GJB3: variants seen among roughly 807,000 people sequenced by gnomAD.
GJB3 encodes gap junction beta-3 protein.
In GJB3, 6 loss-of-function variants were observed where a neutral mutation model predicts 8.1. The ratio of observed to expected loss-of-function variants is 0.75; its 90% CI spans 0.41 to 1.47. GJB3 has a LOEUF of 1.47. Ranked by LOEUF, GJB3 falls within the 40% of genes most tolerant of loss-of-function variation. The pLI is 0.02. For missense variants in GJB3, 348 were observed against 365.6 expected (o/e 0.95, Z 0.39); for synonymous variants, 137 against 156.4 (o/e 0.88, Z 0.93).
At chr1:34,782,172 C>A in intron 1 of GJB3, 1 of 152,708 alleles carries the variant, frequency 6.5e-6, no homozygotes. Context: ...CTTTGGAGGG[C>A]AGCTGGGGGA....
Position 34,781,378 on chromosome 1 carries a change from G to C in GJB3, c.-426G>C, listed in dbSNP as rs369190098. 6.6e-6 allele frequency: 1 copy of C among 152,272 alleles called. No individual in the cohort carries two copies. Among genetic ancestry groups the C allele is most frequent in the Non-Finnish European group, 1.5e-5 (1 of 68,066 alleles). The allele number at this position is 152,272 out of a possible 1,614,324, so 9.4% of individuals were successfully genotyped here. A position where few individuals can be genotyped will look rare whatever the true frequency, so the allele number is the denominator to read the frequency against. On this transcript the variant is annotated 5_prime_UTR_variant, in exon 1 of 2. Coordinates refer to ENST00000373366, the MANE Select transcript of GJB3 (RefSeq NM_024009.3). This position sits in a 1 kb window ranked among gnomAD's most constrained non-coding sequence, Gnocchi z 6.2. ...AGGTCCCGCGCCAAGCGGGGACCGG[G>C]CTGGGCCGGAAGCGGGCACGGTACT...
chr1:34,784,344 C>T (rs2148353818), intron 1 of GJB3, among the ~76,000 whole-genome samples: 1 of 152,296 alleles, frequency 6.6e-6, no homozygotes, highest in African/African-American at 2.4e-5. Context: ...ACTTGCTTTG[C>T]AATCGTTCAA....
chr1:34,781,508 G>C lies in GJB3; in HGVS notation c.-296G>C, dbSNP rs1640007735. The C allele has an allele frequency of 6.6e-6, 1 of 152,318 alleles. No homozygotes were observed. Among genetic ancestry groups the C allele is most frequent in the South Asian group, 2.1e-4 (1 of 4,836 alleles). The allele number at this position is 152,318 out of a possible 1,614,324, so 9.4% of individuals were successfully genotyped here. ...CGCCCCTGATCTCATTGGAGCCTTC[G>C]GACAGCCCAGCCCATGGCCACCGAT... On this transcript the variant is annotated 5_prime_UTR_variant, in exon 1 of 2. Transcript: ENST00000373366. This position sits in a 1 kb window ranked among gnomAD's most constrained non-coding sequence, Gnocchi z 6.2.
chr1:34,782,335 A>G (rs1191760653), intron 1 of GJB3: 1 of 152,246 alleles, frequency 6.6e-6, no homozygotes, highest in Non-Finnish European at 1.5e-5. Flanking sequence ...CCTGGTGGGC[A>G]GCCATGGGAG....
rs372771182 is a variant in GJB3, at chr1:34,785,099, T to G, written c.337T>G (p.Cys113Gly). ...GCACCGCCAGAAACACGGGGACCAG[T>G]GCGCCAAGCTGTACGACAACGCAGG... ...RRHRQKHGDQ[C>G]AKLYDNAGKK... Residue 113 changes from cysteine (C) to glycine (G), a missense_variant, in exon 2 of 2, where the codon TGC (cysteine) becomes GGC (glycine). Coordinates refer to ENST00000373366, the MANE Select transcript of GJB3 (RefSeq NM_024009.3). This position sits in a 1 kb window ranked among gnomAD's most constrained non-coding sequence, Gnocchi z 4.7. 1.9e-6 allele frequency: 3 copies of G among 1,613,906 alleles called. No homozygotes were observed. The highest frequency in any genetic ancestry group is 1.3e-5 in the African/African-American group (1 of 74,892).
In GJB3 at chr1:34,785,484, G is replaced by C. The variant is rs923078555; in HGVS notation, c.722G>C (p.Cys241Ser). The part of the protein sequence containing the change: ...SSASRASTCR[C>S]HHKLVEAGEV... ...GCCAGCCGAGCTTCCACCTGCCGCT[G>C]CCACCACAAGCTGGTGGAGGCTGGG... The change falls in exon 2 of 2, where the codon TGC (cysteine) becomes TCC (serine). Residue 241 changes from cysteine to serine, a missense_variant. Coordinates refer to ENST00000373366, the MANE Select transcript of GJB3 (RefSeq NM_024009.3). The surrounding 1 kb of genome is among the most constrained non-coding windows in gnomAD (Gnocchi z 4.7). 2 of 1,614,026 alleles carry C rather than the reference G, an allele frequency of 1.2e-6. No individual in the cohort carries two copies. Among genetic ancestry groups the C allele is most frequent in the Admixed American group, 1.7e-5 (1 of 60,026 alleles).
At position 34,785,454 on chromosome 1, in the gene GJB3, C is replaced by T; in HGVS notation, c.692C>T (p.Ser231Phe). The part of the protein sequence containing the change: ...DKPRGGCSPS[S>F]SASRASTCRC... ...CCTCGAGGGGGTTGCAGCCCCTCGT[C>T]CTCCGCCAGCCGAGCTTCCACCTGC... is the stretch of plus-strand genomic sequence containing the variant. Residue 231 changes from serine to phenylalanine, a missense_variant, in exon 2 of 2, where the codon TCC becomes TTC. Transcript: ENST00000373366. The surrounding 1 kb of genome is among the most constrained non-coding windows in gnomAD (Gnocchi z 4.7). 6.2e-7 allele frequency: 1 copy of T among 1,613,776 alleles called. No individual in the cohort carries two copies. Among genetic ancestry groups the T allele is most frequent in the Non-Finnish European group, 8.5e-7 (1 of 1,179,810 alleles).
In GJB3 at chr1:34,785,584, C is replaced by T; in HGVS notation, c.*9C>T. 6.2e-7 allele frequency: 1 copy of T among 1,611,162 alleles called. No homozygotes were observed. Among genetic ancestry groups the T allele is most frequent in the Non-Finnish European group, 8.5e-7 (1 of 1,177,602 alleles). On this transcript the variant is annotated 3_prime_UTR_variant, in exon 2 of 2. Transcript: ENST00000373366. The surrounding 1 kb of genome is among the most constrained non-coding windows in gnomAD (Gnocchi z 4.7). ...ACCTGACCCCCATCTGACCACAGGG[C>T]AGGGGTGGGGCAACATGCGGGCTGC...
chr1:34,785,241 G>T lies in GJB3; in HGVS notation c.479G>T (p.Arg160Leu), dbSNP rs200055020. 12 of 1,613,758 alleles carry T rather than the reference G, an allele frequency of 7.4e-6. No homozygotes were observed. The highest frequency in any genetic ancestry group is 1.3e-5 in the African/African-American group (1 of 74,864). ...CTCTGGCATGGCTTCAATATGCCGCGCCTGGTGCAGTGTGCCAACGTGGCC... is the reference window on the plus strand; with the variant it reads ...CTCTGGCATGGCTTCAATATGCCGCTCCTGGTGCAGTGTGCCAACGTGGCC... ...HTLWHGFNMP[R>L]LVQCANVAPC... Residue 160 changes from arginine to leucine, a missense_variant, in exon 2 of 2, where the codon CGC becomes CTC. Physicochemically the swap from Arg to Leu is moderately radical, Grantham distance 102. Coordinates refer to ENST00000373366, the MANE Select transcript of GJB3 (RefSeq NM_024009.3). The surrounding 1 kb of genome is among the most constrained non-coding windows in gnomAD (Gnocchi z 4.7).
Position 34,785,182 on chromosome 1 carries a change from CATT to C in GJB3, c.421_423del (p.Ile141del), listed in dbSNP as rs770247378. 4 of 1,614,174 alleles carry C rather than the reference CATT, an allele frequency of 2.5e-6. No individual in the cohort carries two copies. Among genetic ancestry groups the C allele is most frequent in the East Asian group, 4.5e-5 (2 of 44,876 alleles). Reference sequence around the variant, plus strand: ...TGTTCAGCCTCATCTTCAAGCTCATCATTGAGTTCCTCTTCCTCTACCTGCTGC... The same window carrying C: ...TGTTCAGCCTCATCTTCAAGCTCATCGAGTTCCTCTTCCTCTACCTGCTGC... On this transcript the variant is annotated inframe_deletion, in exon 2 of 2. Transcript: ENST00000373366. The surrounding 1 kb of genome is among the most constrained non-coding windows in gnomAD (Gnocchi z 4.7).
Position 34,785,770 on chromosome 1 carries a change from T to C in GJB3, c.*195T>C. The C allele has an allele frequency of 4.9e-6, 3 of 614,232 alleles. No homozygotes were observed. Among genetic ancestry groups the C allele is most frequent in the Non-Finnish European group, 8.9e-6 (3 of 336,136 alleles). 38.0% of individuals were successfully genotyped at this position (614,232 alleles called of 1,614,324 possible). A position where few individuals can be genotyped will look rare whatever the true frequency, so the allele number is the denominator to read the frequency against. On this transcript the variant is annotated 3_prime_UTR_variant, in exon 2 of 2. Transcript: ENST00000373366. This position sits in a 1 kb window ranked among gnomAD's most constrained non-coding sequence, Gnocchi z 4.7. The stretch of plus-strand genomic sequence containing the variant: ...GGGTATAGGTAACCCACAGGCCCAG[T>C]GCCAGCCCTCAAAGGACATAGACTT...
Position 34,785,002 on chromosome 1 carries a change from G to T in GJB3, c.240G>T (p.Gln80His). 1.2e-6 allele frequency: 2 copies of T among 1,614,186 alleles called. No individual in the cohort carries two copies. Among genetic ancestry groups the T allele is most frequent in the Non-Finnish European group, 1.7e-6 (2 of 1,180,038 alleles). ...CCAACATCCGCCTCTGGGCCCTGCA[G>T]CTCATCTTCGTCACATGCCCCTCGC... is the stretch of plus-strand genomic sequence containing the variant. ...PISNIRLWAL[Q>H]LIFVTCPSLL... Residue 80 changes from glutamine to histidine, a missense_variant, in exon 2 of 2, where the codon CAG becomes CAT. Gln to His is a conservative substitution (Grantham distance 24, BLOSUM62 0). Coordinates refer to ENST00000373366, the MANE Select transcript of GJB3 (RefSeq NM_024009.3). The surrounding 1 kb of genome is among the most constrained non-coding windows in gnomAD (Gnocchi z 4.7).
At position 34,785,386 on chromosome 1, in the gene GJB3, C is replaced by T. The variant is rs191765878; in HGVS notation, c.624C>T (p.Tyr208=). The T allele has an allele frequency of 1.2e-6, 2 of 1,614,168 alleles. No individual in the cohort carries two copies. The highest frequency in any genetic ancestry group is 1.3e-5 in the African/African-American group (1 of 75,040). ...TACTCACCATCTGTGAGCTCTGCTACCTCATCTGCCACAGGGTCCTGCGAG... is the reference window on the plus strand; with the variant it reads ...TACTCACCATCTGTGAGCTCTGCTATCTCATCTGCCACAGGGTCCTGCGAG... ...CIVLTICELC[Y]LICHRVLRGL... is the part of the protein sequence containing the mutation. The change falls in exon 2 of 2, where the codon TAC becomes TAT. Residue 208 remains tyrosine, a synonymous_variant. Coordinates refer to ENST00000373366, the MANE Select transcript of GJB3 (RefSeq NM_024009.3). This position sits in a 1 kb window ranked among gnomAD's most constrained non-coding sequence, Gnocchi z 4.7.
rs201937833 is a variant in GJB3 at position 34,784,958 on chromosome 1, G to A, written c.196G>A (p.Asp66Asn). The A allele has an allele frequency of 8.1e-5, 131 of 1,613,870 alleles. No homozygotes were observed. The highest frequency in any genetic ancestry group is 1.5e-4 in the South Asian group (14 of 91,086). ...GCCCGGCTGCACCAACGTCTGCTAC[G>A]ACAACTACTTCCCCATCTCCAACAT... is the stretch of plus-strand genomic sequence containing the variant. ...KQPGCTNVCYDNYFPISNIRL... is the reference protein window; with the variant it reads ...KQPGCTNVCYNNYFPISNIRL... The change falls in exon 2 of 2, where the codon GAC (aspartate) becomes AAC (asparagine). Residue 66 changes from aspartate (D) to asparagine (N), a missense_variant. By Grantham distance (23) the Asp-to-Asn change is conservative. Coordinates refer to ENST00000373366, the MANE Select transcript of GJB3 (RefSeq NM_024009.3).
Position 34,784,952 on chromosome 1 carries a change from T to C in GJB3, c.190T>C (p.Cys64Arg). ...CAAGCAGCCCGGCTGCACCAACGTC[T>C]GCTACGACAACTACTTCCCCATCTC... ...NTKQPGCTNVCYDNYFPISNI... is the reference protein window; with the variant it reads ...NTKQPGCTNVRYDNYFPISNI... Residue 64 changes from cysteine to arginine, a missense_variant, in exon 2 of 2, where the codon TGC becomes CGC. Coordinates refer to ENST00000373366, the MANE Select transcript of GJB3 (RefSeq NM_024009.3). 1.2e-6 allele frequency: 2 copies of C among 1,614,212 alleles called. No homozygotes were observed. The highest frequency in any genetic ancestry group is 1.7e-6 in the Non-Finnish European group (2 of 1,180,042).
chr1:34,784,852 C>A lies in GJB3; in HGVS notation c.90C>A (p.Val30=), dbSNP rs1640073392. ...GCATCTGGCTGTCCGTGGTGTTCGT[C>A]TTCCGGGTGCTGGTATACGTGGTGG... The part of the protein sequence containing the change: ...FGRIWLSVVF[V]FRVLVYVVAA... Residue 30 remains valine, a synonymous_variant, in exon 2 of 2, where the codon GTC becomes GTA. Coordinates refer to ENST00000373366, the MANE Select transcript of GJB3 (RefSeq NM_024009.3). 2 of 1,614,234 alleles carry A rather than the reference C, an allele frequency of 1.2e-6. No individual in the cohort carries two copies. Among genetic ancestry groups the A allele is most frequent in the African/African-American group, 1.3e-5 (1 of 75,066 alleles).
chr1:34,785,573 T>C lies in GJB3; in HGVS notation c.811T>C (p.Ter271ArgextTer30), dbSNP rs776227335. The C allele has an allele frequency of 1.2e-6, 2 of 1,613,496 alleles. No homozygotes were observed. The highest frequency in any genetic ancestry group is 1.7e-6 in the Non-Finnish European group (2 of 1,179,540). ...QASAPNLTPI[*>R] ...TTCAGCACCCAACCTGACCCCCATC[T>C]GACCACAGGGCAGGGGTGGGGCAAC... is the stretch of plus-strand genomic sequence containing the variant. The change falls in exon 2 of 2, where the codon TGA (stop) becomes CGA (arginine). Residue 271 changes from the stop codon to arginine (R), a stop_lost. Transcript: ENST00000373366. This position sits in a 1 kb window ranked among gnomAD's most constrained non-coding sequence, Gnocchi z 4.7.
chr1:34,784,043 A>T (rs1640057721), intron 1 of GJB3, among the ~76,000 whole-genome samples: 1 of 152,126 alleles, frequency 6.6e-6, no homozygotes, highest in Admixed American at 6.5e-5. Context: ...CAGCTGTGAG[A>T]CCTTGAGCTG....
Position 34,785,013 on chromosome 1 carries a change from T to C in GJB3, c.251T>C (p.Val84Ala). The stretch of plus-strand genomic sequence containing the variant: ...CTCTGGGCCCTGCAGCTCATCTTCG[T>C]CACATGCCCCTCGCTGCTGGTCATC... ...IRLWALQLIF[V>A]TCPSLLVILH... The change falls in exon 2 of 2, where the codon GTC (valine) becomes GCC (alanine). Residue 84 changes from valine (V) to alanine (A), a missense_variant. Val to Ala is a moderately conservative substitution (Grantham distance 64). Coordinates refer to ENST00000373366, the MANE Select transcript of GJB3 (RefSeq NM_024009.3). This position sits in a 1 kb window ranked among gnomAD's most constrained non-coding sequence, Gnocchi z 4.7. The C allele has an allele frequency of 6.2e-7, 1 of 1,614,166 alleles. No individual in the cohort carries two copies. The highest frequency in any genetic ancestry group is 8.5e-7 in the Non-Finnish European group (1 of 1,180,024).
Sources: gnomAD v4.1 joint callset for allele counts (sites outside exome capture counted in the v4.1 genomes callset) on GRCh38, gnomAD v4.1.1 for gene constraint, Gnocchi (gnomAD v3.1) non-coding constraint, MANE v1.5 for transcripts, NCBI Gene and HGNC (gene_info 2026-07-23, HGNC 2026-07-21) for gene names.